The following ITGA1 variants were observed in gnomAD, a reference collection of about 807,000 sequenced individuals.
ITGA1 encodes integrin alpha-1.
A neutral mutation model predicts 145.9 loss-of-function variants in ITGA1; 85 were observed. That is an observed-to-expected ratio of 0.58 (90% CI 0.49 to 0.70). ITGA1 has a LOEUF of 0.70. ITGA1 is among the 30% of genes least tolerant of loss of function. ITGA1 has a pLI of 0.00. For missense variants in ITGA1, 1,351 were observed against 1,418.7 expected, an observed-to-expected ratio of 0.95 and a Z score of 0.77; for synonymous variants, 520 against 495.3, an observed-to-expected ratio of 1.05 and a Z score of -0.66.
Position 52,842,787 on chromosome 5 carries a change from G to A in ITGA1, c.62-6578G>A, listed in dbSNP as rs148239336. On this transcript the variant is annotated intron_variant, in intron 1 of 28. Transcript: ENST00000282588. ...TGCAACTTCTGCCTCCCAGGTTCAA[G>A]CAATTCTCCTGCCTCAGCCTCCTGA... 3.4e-3 allele frequency among the ~76,000 whole-genome samples: 509 copies of A among 151,296 alleles called. 3 individuals carry two copies. The highest frequency in any genetic ancestry group is 0.011 in the African/African-American group (465 of 41,198).
chr5:52,788,092 T>C lies in ITGA1; in HGVS notation c.-262T>C. 2.4e-6 allele frequency: 1 copy of C among 410,060 alleles called. No individual in the cohort carries two copies. The highest frequency in any genetic ancestry group is 4.3e-6 in the Non-Finnish European group (1 of 230,022). 25.4% of individuals were successfully genotyped at this position (410,060 alleles called of 1,614,324 possible). ...CGGACAGAGCCTGGGAAGCTGCCAGTGAGATTTCAGAGACCAAGAGCGCGA... is the reference window on the plus strand; with the variant it reads ...CGGACAGAGCCTGGGAAGCTGCCAGCGAGATTTCAGAGACCAAGAGCGCGA... On this transcript the variant is annotated 5_prime_UTR_variant, in exon 1 of 29. Coordinates refer to ENST00000282588, the MANE Select transcript of ITGA1 (RefSeq NM_181501.2).
intron 1 of ITGA1, among the ~76,000 whole-genome samples, chr5:52,843,628 A>G (rs16880353): frequency 0.27 from 41,496 of 152,008 alleles, 5,917 homozygotes; most frequent in South Asian, 0.39. Context: ...TGCCAGTCCT[A>G]TTCTCAAATA....
chr5:52,857,276 G>A (rs574401636), intron 2 of ITGA1, among the ~76,000 whole-genome samples: 53 of 152,156 alleles, frequency 3.5e-4, no homozygotes, highest in Non-Finnish European at 6.6e-4. Context: ...GGGAATGGTC[G>A]CTCTTCCTCA....
intron 14 of ITGA1, among the ~76,000 whole-genome samples, chr5:52,911,007 T>C (rs933988818): frequency 1.1e-3 from 35 of 33,068 alleles, no homozygotes; most frequent in South Asian, 9.1e-3. Flanking sequence ...GTATGTATAC[T>C]GTATATACTA....
chr5:52,865,322 C>T (rs543116913), intron 5 of ITGA1, among the ~76,000 whole-genome samples: 4 of 152,192 alleles, frequency 2.6e-5, no homozygotes, highest in East Asian at 1.9e-4. Context: ...AGCTGTCATG[C>T]TGCTTATATT....
chr5:52,839,776 T>C (rs1749224284), intron 1 of ITGA1, among the ~76,000 whole-genome samples: 2 of 152,206 alleles, frequency 1.3e-5, no homozygotes. Flanking sequence ...TGATTTTCAG[T>C]TCTCTAATTT....
In ITGA1 at chr5:52,954,288, C is replaced by T. The variant is rs752610411; in HGVS notation, c.*1837C>T. ...ATGTTGCACACCCCCAGTGCTCAGC[C>T]TGCCCAGAAGCCCTTCTCTGATCTC... is the stretch of plus-strand genomic sequence containing the variant. On this transcript the variant is annotated 3_prime_UTR_variant, in exon 29 of 29. Transcript: ENST00000282588. The T allele has an allele frequency of 3.9e-5, 6 of 152,344 alleles. No homozygotes were observed. Among genetic ancestry groups the T allele is most frequent in the Admixed American group, 2.0e-4 (3 of 15,290 alleles). 9.4% of individuals were successfully genotyped at this position (152,344 alleles called of 1,614,324 possible).
intron 1 of ITGA1, among the ~76,000 whole-genome samples, chr5:52,845,595 T>C (rs1749320226): frequency 6.6e-6 from 1 of 152,138 alleles, no homozygotes; most frequent in South Asian, 2.1e-4. Context: ...TGTTCAAGAG[T>C]GGTTTTCAAC....
chr5:52,791,618 G>A (rs918151474), intron 1 of ITGA1, among the ~76,000 whole-genome samples: 25 of 152,108 alleles, frequency 1.6e-4, no homozygotes, highest in African/African-American at 4.6e-4. Flanking sequence ...ACTTAACCCC[G>A]AAATGTATTA....
rs1310973915 is a variant in ITGA1, at chr5:52,800,873, G to C, written c.61+12459G>C. The C allele has an allele frequency of 1.2e-6, 2 of 1,611,244 alleles. No individual in the cohort carries two copies. Among genetic ancestry groups the C allele is most frequent in the African/African-American group, 1.3e-5 (1 of 74,866 alleles). On this transcript the variant is annotated intron_variant, in intron 1 of 28. Transcript: ENST00000282588. Reference sequence around the variant, plus strand: ...GTCACTCCCAGCATGACCCTCACTCGGGCCAAGGTGGAGGTGAACATCCCT... The same window carrying C: ...GTCACTCCCAGCATGACCCTCACTCCGGCCAAGGTGGAGGTGAACATCCCT...
chr5:52,937,401 A>G lies in ITGA1; in HGVS notation c.2965A>G (p.Ile989Val), dbSNP rs755633997. 9.4e-6 allele frequency: 15 copies of G among 1,591,732 alleles called. No individual in the cohort carries two copies. In the East Asian group the frequency reaches 1.6e-4, roughly 17 times the overall value. Residue 989 changes from isoleucine (I) to valine (V), a missense_variant and splice_region_variant, in exon 24 of 29, where the codon ATT becomes GTT. By Grantham distance (29) the Ile-to-Val change is conservative (BLOSUM62 3). Transcript: ENST00000282588. Reference protein sequence around the residue: ...IGNEINIFYLIRKSGSFPMPE... With the variant: ...IGNEINIFYLVRKSGSFPMPE... ...TTACATTTCCATTTTTTTCTTGTAG[A>G]TTAGAAAAAGTGGATCTTTTCCAAT...
chr5:52,893,926 C>A, intron 9 of ITGA1, 86 bp downstream of exon 9: 21 of 925,030 alleles, frequency 2.3e-5, no homozygotes, highest in Non-Finnish European at 3.1e-5. Context: ...CCTAATACAT[C>A]AGTAATACTT....
chr5:52,905,841 G>T lies in ITGA1; in HGVS notation c.1388G>T (p.Gly463Val). 1 of 1,613,616 alleles carries T rather than the reference G, an allele frequency of 6.2e-7. No homozygotes were observed. ...GGACAGCCTCGGTACAATCATACAGGCCAGGTCATTATCTACAGGATGGAA... is the reference window on the plus strand; with the variant it reads ...GGACAGCCTCGGTACAATCATACAGTCCAGGTCATTATCTACAGGATGGAA... ...IAGQPRYNHT[G>V]QVIIYRMEDG... The change falls in exon 12 of 29, where the codon GGC (glycine) becomes GTC (valine). Residue 463 changes from glycine (G) to valine (V), a missense_variant. Gly to Val is a moderately radical substitution (Grantham distance 109). Coordinates refer to ENST00000282588, the MANE Select transcript of ITGA1 (RefSeq NM_181501.2).
intron 1 of ITGA1, among the ~76,000 whole-genome samples, chr5:52,827,088 A>C (rs1005404361): frequency 3.0e-5 from 4 of 131,640 alleles, no homozygotes; most frequent in Non-Finnish European, 4.8e-5. Context: ...GCCATTAAGA[A>C]CTTTTTTTTT....
intron 1 of ITGA1, among the ~76,000 whole-genome samples, chr5:52,794,077 A>T (rs1748292758): frequency 6.7e-6 from 1 of 149,824 alleles, no homozygotes; most frequent in Non-Finnish European, 1.5e-5. Context: ...TTTATGTGTT[A>T]AAAAAAATCA....
At chr5:52,877,609 G>A (rs1245692698) in intron 6 of ITGA1, among the ~76,000 whole-genome samples, 1 of 152,188 alleles carries the variant, frequency 6.6e-6, no homozygotes, top group Non-Finnish European at 1.5e-5. Flanking sequence ...TAATGTACAT[G>A]TGATTAAAGT....
At chr5:52,839,709 C>A (rs6867399) in intron 1 of ITGA1, among the ~76,000 whole-genome samples, 33,559 of 152,066 alleles carry the variant, frequency 0.22, 4,008 homozygotes, top group Non-Finnish European at 0.27. Flanking sequence ...TGTTAGTATG[C>A]ACAATAGGTA....
intron 2 of ITGA1, among the ~76,000 whole-genome samples, chr5:52,853,239 T>G (rs912671165): frequency 1.3e-5 from 2 of 152,218 alleles, no homozygotes; most frequent in East Asian, 3.8e-4. Flanking sequence ...CTTTTAAGGA[T>G]AGCATGGTAG....
intron 3 of ITGA1, among the ~76,000 whole-genome samples, chr5:52,862,489 G>A (rs776581513): frequency 4.0e-5 from 6 of 151,872 alleles, no homozygotes; most frequent in Admixed American, 2.0e-4. Flanking sequence ...TTAGAATACC[G>A]TACTAATTTT....
Sources: allele counts gnomAD v4.1 joint callset (sites outside exome capture counted in the v4.1 genomes callset), GRCh38; gene constraint gnomAD v4.1.1; transcripts MANE v1.5; gene names NCBI Gene and HGNC (gene_info 2026-07-23, HGNC 2026-07-21).